The following WDR3 variants were observed in gnomAD, a reference collection of about 807,000 sequenced individuals.
WDR3 encodes WD repeat-containing protein 3.
WDR3 carries 81 observed loss-of-function variants against 123.7 expected under a neutral mutation model. The ratio of observed to expected loss-of-function variants is 0.65; its 90% CI spans 0.55 to 0.79. The LOEUF (loss-of-function observed/expected upper bound fraction) is 0.79, where lower values mean the gene tolerates loss of function less well. Ranked by LOEUF, WDR3 falls within the 30% of genes least tolerant of loss-of-function variation. The pLI is 0.00. For missense variants in WDR3, 1,027 were observed against 1,123.2 expected, an observed-to-expected ratio of 0.91 and a Z score of 1.22; for synonymous variants, 390 against 388.8, an observed-to-expected ratio of 1.00 and a Z score of -0.04.
At chr1:117,933,655 C>G (rs1277163368) in intron 2 of WDR3, 165 bp downstream of exon 2, 2 of 828,566 alleles carry the variant, frequency 2.4e-6, no homozygotes, top group African/African-American at 1.7e-5. Context: ...CATCAAGTTC[C>G]TTTGTGTTCT....
intron 12 of WDR3, among the ~76,000 whole-genome samples, chr1:117,946,938 C>A (rs1315444679): frequency 2.2e-5 from 2 of 89,912 alleles, no homozygotes; most frequent in Non-Finnish European, 4.3e-5. Context: ...AAGACTCCAT[C>A]TCAAAAAAAA....
In WDR3 at chr1:117,954,647, G is replaced by T. The variant is rs1234182863; in HGVS notation, c.2409+20G>T. 1 of 1,606,788 alleles carries T rather than the reference G, an allele frequency of 6.2e-7. No individual in the cohort carries two copies. The highest frequency in any genetic ancestry group is 1.7e-5 in the Admixed American group (1 of 59,002). On this transcript the variant is annotated intron_variant, in intron 23 of 26. Transcript: ENST00000349139. ...ATCTCAGTGAGTAAAATGTCTAACG[G>T]TTTTCCTTTGTTTATTAAAAGGTTA...
chr1:117,935,973 G>A (rs946926169), intron 3 of WDR3, among the ~76,000 whole-genome samples: 1 of 151,838 alleles, frequency 6.6e-6, no homozygotes, highest in Non-Finnish European at 1.5e-5. Flanking sequence ...GTCATGAATT[G>A]GCAATTCAAA....
intron 20 of WDR3, among the ~76,000 whole-genome samples, chr1:117,953,220 T>C (rs1465838272): frequency 6.6e-6 from 1 of 152,166 alleles, no homozygotes; most frequent in Non-Finnish European, 1.5e-5. Context: ...ATTCTGTCAA[T>C]TGAGACTTTA....
chr1:117,946,964 A>G (rs1352523018), intron 12 of WDR3, among the ~76,000 whole-genome samples: 1 of 139,858 alleles, frequency 7.2e-6, no homozygotes, highest in African/African-American at 2.7e-5. Flanking sequence ...AAAAAAAATG[A>G]GTAATTTGGA....
At chr1:117,945,935 A>T in intron 11 of WDR3, 151 bp from the exon 12 acceptor site, 1 of 425,312 alleles carries the variant, frequency 2.4e-6, no homozygotes. Context: ...ATTTTCTCCC[A>T]TGACTATAAT....
chr1:117,956,740 G>A (rs1028750779), intron 24 of WDR3, among the ~76,000 whole-genome samples: 6 of 152,134 alleles, frequency 3.9e-5, no homozygotes, highest in Admixed American at 3.9e-4. Context: ...CATCATAATA[G>A]ACTCTAATGG....
In WDR3 at chr1:117,946,149, T is replaced by G. The variant is rs756450451; in HGVS notation, c.1392T>G (p.Pro464=). Residue 464 remains proline (P), a synonymous_variant, in exon 12 of 27, where the codon CCT becomes CCG. Coordinates refer to ENST00000349139, the MANE Select transcript of WDR3 (RefSeq NM_006784.3). The stretch of plus-strand genomic sequence containing the variant: ...ATGCACTTTGCTCATTCTTTGTACC[T>G]GGTGATAGACAGGTAGTCATAGGAA... ...CEYALCSFFV[P]GDRQVVIGTK... is the part of the protein sequence containing the mutation. 5 of 1,612,886 alleles carry G rather than the reference T, an allele frequency of 3.1e-6. No homozygotes were observed. The Admixed American group carries it at 8.3e-5, about 27-fold the overall frequency.
intron 19 of WDR3, 66 bp from the exon 20 acceptor site, chr1:117,952,880 T>C: frequency 6.3e-7 from 1 of 1,576,232 alleles, no homozygotes; most frequent in East Asian, 2.3e-5. Flanking sequence ...TCTCGCTTCC[T>C]CATTTCTCTT....
intron 21 of WDR3, chr1:117,953,776 G>C: frequency 1.7e-6 from 1 of 605,198 alleles, no homozygotes; most frequent in Non-Finnish European, 2.9e-6. Flanking sequence ...TATTCAGAGT[G>C]TCTAGATATC....
rs545286308 is a variant in WDR3, at chr1:117,938,448, G to A, written c.501-32G>A. The A allele has an allele frequency of 4.4e-6, 7 of 1,584,562 alleles. No homozygotes were observed. In the South Asian group the frequency reaches 6.7e-5, roughly 15 times the overall value. ...TCGTTGAATGAGTTTTCCTAAACAG[G>A]CTATATATTTTTTTCCTGTTTCTTC... is the stretch of plus-strand genomic sequence containing the variant. On this transcript the variant is annotated intron_variant, in intron 4 of 26. Coordinates refer to ENST00000349139, the MANE Select transcript of WDR3 (RefSeq NM_006784.3).
chr1:117,953,560 T>TG lies in WDR3; in HGVS notation c.2268+21dup. 1 of 1,604,930 alleles carries TG rather than the reference T, an allele frequency of 6.2e-7. No individual in the cohort carries two copies. The highest frequency in any genetic ancestry group is 8.5e-7 in the Non-Finnish European group (1 of 1,175,702). ...GAAAGCAGTAAGTTGATATAGAATG[T>TG]GGTATCTCGTTTTTTAATAAGATCT... On this transcript the variant is annotated intron_variant, in intron 21 of 26. Coordinates refer to ENST00000349139, the MANE Select transcript of WDR3 (RefSeq NM_006784.3).
In WDR3 at chr1:117,963,819, GA is replaced by G; in HGVS notation, c.*4373del. On this transcript the variant is annotated 3_prime_UTR_variant, in exon 27 of 27. Transcript: ENST00000349139. ...TGTACCTAATGTGGAGAAACTTTAC[GA>G]GACATGAAGACTCCAAGTGTGGAGG... The G allele has an allele frequency of 6.2e-7, 1 of 1,612,640 alleles. No homozygotes were observed. The highest frequency in any genetic ancestry group is 8.5e-7 in the Non-Finnish European group (1 of 1,179,246).
At chr1:117,931,995 A>G (rs1377146401) in intron 1 of WDR3, among the ~76,000 whole-genome samples, 1 of 152,334 alleles carries the variant, frequency 6.6e-6, no homozygotes, top group East Asian at 1.9e-4. Flanking sequence ...AACAAAAAAC[A>G]ATAGCAAAAA....
chr1:117,939,601 A>G, intron 6 of WDR3, 29 bp downstream of exon 6: 1 of 1,606,364 alleles, frequency 6.2e-7, no homozygotes, highest in African/African-American at 1.3e-5. Context: ...CATGGGCAAT[A>G]TGTTTAGAAG....
intron 4 of WDR3, 86 bp downstream of exon 4, chr1:117,936,973 G>C: frequency 3.6e-6 from 4 of 1,116,060 alleles, no homozygotes; most frequent in Non-Finnish European, 5.3e-6. Context: ...CATGAGCAGT[G>C]TGCTCATGCT....
rs199700726 is a variant in WDR3 at position 117,936,773 on chromosome 1, C to T, written c.386C>T (p.Thr129Ile). ...TGTATTATTTGATCCCTTTAGGACACAGATATTATTGTATGGGATGTGATC... is the reference window on the plus strand; with the variant it reads ...TGTATTATTTGATCCCTTTAGGACATAGATATTATTGTATGGGATGTGATC... ...GGRLASGSKD[T>I]DIIVWDVINE... Residue 129 changes from threonine (T) to isoleucine (I), a missense_variant, in exon 4 of 27, where the codon ACA becomes ATA. Physicochemically the swap from Thr to Ile is moderately conservative, Grantham distance 89. Coordinates refer to ENST00000349139, the MANE Select transcript of WDR3 (RefSeq NM_006784.3). The T allele has an allele frequency of 5.7e-5, 92 of 1,608,650 alleles. No individual in the cohort carries two copies. The highest frequency in any genetic ancestry group is 2.2e-5 in the East Asian group (1 of 44,738).
intron 21 of WDR3, 55 bp downstream of exon 21, chr1:117,953,596 G>T (rs1207039170): frequency 6.4e-6 from 10 of 1,571,600 alleles, no homozygotes; most frequent in Non-Finnish European, 7.8e-6. Flanking sequence ...CAACTTTTTA[G>T]TAAAAGTTTT....
intron 24 of WDR3, among the ~76,000 whole-genome samples, chr1:117,956,322 A>G (rs1200421864): frequency 6.6e-6 from 1 of 152,068 alleles, no homozygotes. Flanking sequence ...TTGTTATATT[A>G]TTTGTGATTT....
Sources: allele counts gnomAD v4.1 joint callset (sites outside exome capture counted in the v4.1 genomes callset), GRCh38; gene constraint gnomAD v4.1.1; transcripts MANE v1.5; gene names NCBI Gene and HGNC (gene_info 2026-07-23, HGNC 2026-07-21).